MCM5: variants seen among roughly 807,000 people sequenced by gnomAD.
MCM5 encodes the protein minichromosome maintenance complex component 5, also known as DNA replication licensing factor MCM5.
In MCM5, 46 loss-of-function variants were observed where a neutral mutation model predicts 79.9. That is an observed-to-expected ratio of 0.58 (90% confidence interval 0.45 to 0.74). The LOEUF is 0.74. MCM5 is among the 30% of genes least tolerant of loss of function. The pLI is 0.00. For synonymous variants in MCM5, 404 were observed against 390.5 expected, an observed-to-expected ratio of 1.03 and a Z score of -0.41; for missense variants, 883 against 1,017.0, an observed-to-expected ratio of 0.87 and a Z score of 1.79.
At chr22:35,402,639 C>T (rs1458352995) in intron 2 of MCM5, among the ~76,000 whole-genome samples, 1 of 152,022 alleles carries the variant, frequency 6.6e-6, no homozygotes, top group East Asian at 1.9e-4. Flanking sequence ...CTGCAGCCTC[C>T]ACCTCTGGGG....
At chr22:35,408,625 A>G in intron 6 of MCM5, 62 bp downstream of exon 6, 2 of 1,554,158 alleles carry the variant, frequency 1.3e-6, no homozygotes, top group Non-Finnish European at 1.7e-6. Flanking sequence ...TGTGGCCCTA[A>G]CCCGAGTGTT....
chr22:35,429,343 T>C (rs1238381120), downstream of MCM5, among the ~76,000 whole-genome samples: 1 of 151,972 alleles, frequency 6.6e-6, no homozygotes, highest in Non-Finnish European at 1.5e-5. Context: ...AGATGAGAAA[T>C]TGAGGCTACA....
chr22:35,413,853 C>T, intron 8 of MCM5, 22 bp from the exon 9 acceptor site: 1 of 1,397,330 alleles, frequency 7.2e-7, no homozygotes, highest in Non-Finnish European at 1.0e-6. Context: ...CTCACCTTGT[C>T]CATCTACCCT....
intron 5 of MCM5, among the ~76,000 whole-genome samples, chr22:35,408,136 G>A (rs1373187207): frequency 6.6e-6 from 1 of 152,160 alleles, no homozygotes; most frequent in Non-Finnish European, 1.5e-5. Flanking sequence ...CAAGAAGACC[G>A]AGTGTGACCT....
the MCM5 span, among the ~76,000 whole-genome samples, chr22:35,431,751 C>A: frequency 1.3e-5 from 2 of 152,148 alleles, no homozygotes; most frequent in Non-Finnish European, 2.9e-5. Context: ...CTGGAACCCC[C>A]CAGCTTCAGG....
chr22:35,431,310 A>G, the MCM5 span, among the ~76,000 whole-genome samples: 2 of 152,198 alleles, frequency 1.3e-5, no homozygotes, highest in African/African-American at 4.8e-5. Flanking sequence ...AGGCACAGAA[A>G]TGCACGGAGC....
At chr22:35,414,991 C>T (rs906747524) in intron 9 of MCM5, among the ~76,000 whole-genome samples, 6 of 152,174 alleles carry the variant, frequency 3.9e-5, no homozygotes, top group African/African-American at 1.4e-4. Flanking sequence ...ATTTGCCACA[C>T]TGGCACTGTC....
the MCM5 span, among the ~76,000 whole-genome samples, chr22:35,441,992 T>A: frequency 6.6e-6 from 1 of 152,092 alleles, no homozygotes; most frequent in Non-Finnish European, 1.5e-5. Context: ...TCCCTCCCTC[T>A]GTCCTTCCAG....
chr22:35,443,980 C>T, the MCM5 span, among the ~76,000 whole-genome samples: 2 of 152,162 alleles, frequency 1.3e-5, no homozygotes, highest in Admixed American at 1.3e-4. Context: ...GTTTCCTTAT[C>T]TGTAAAATGG....
chr22:35,452,193 G>A, the MCM5 span, among the ~76,000 whole-genome samples: 1 of 152,244 alleles, frequency 6.6e-6, no homozygotes, highest in South Asian at 2.1e-4. Context: ...CCTCCTCCCT[G>A]GTCCTCCAAC....
chr22:35,437,434 G>A, the MCM5 span, among the ~76,000 whole-genome samples: 1 of 152,220 alleles, frequency 6.6e-6, no homozygotes, highest in African/African-American at 2.4e-5. Flanking sequence ...TGTAGACAGA[G>A]CCTACGTGGG....
intron 4 of MCM5, among the ~76,000 whole-genome samples, chr22:35,405,603 G>A (rs1236923742): frequency 2.0e-5 from 3 of 152,106 alleles, no homozygotes; most frequent in African/African-American, 7.2e-5. Flanking sequence ...CCGATCTCAA[G>A]TGATCCGTCC....
chr22:35,440,345 C>T, the MCM5 span, among the ~76,000 whole-genome samples: 3 of 152,202 alleles, frequency 2.0e-5, no homozygotes, highest in Non-Finnish European at 2.9e-5. Context: ...GGGCCAGCCA[C>T]GTTATTTCTC....
chr22:35,400,162 G>T lies in MCM5; in HGVS notation c.-55G>T. On this transcript the variant is annotated 5_prime_UTR_variant, in exon 1 of 17. Transcript: ENST00000216122. The stretch of plus-strand genomic sequence containing the variant: ...TTCCCGCGAAACTCGGCGGCTGAGC[G>T]TGGAGGTTCTTGTCTCCCCTGGTTT... The T allele has an allele frequency of 2.3e-6, 1 of 439,528 alleles. No homozygotes were observed. The highest frequency in any genetic ancestry group is 4.2e-6 in the Non-Finnish European group (1 of 240,090). The allele number at this position is 439,528 out of a possible 1,614,324, so 27.2% of individuals were successfully genotyped here.
the MCM5 span, among the ~76,000 whole-genome samples, chr22:35,450,088 A>G: frequency 1.3e-5 from 2 of 152,116 alleles, no homozygotes; most frequent in Non-Finnish European, 2.9e-5. Context: ...GGAGACAGGG[A>G]AGGGTGCTAT....
Position 35,421,343 on chromosome 22 carries a change from G to T in MCM5, c.1858G>T (p.Ala620Ser). The T allele has an allele frequency of 9.9e-6, 16 of 1,613,692 alleles. No homozygotes were observed. The highest frequency in any genetic ancestry group is 1.4e-5 in the Non-Finnish European group (16 of 1,180,012). Residue 620 changes from alanine to serine, a missense_variant, in exon 15 of 17, where the codon GCG becomes TCG. Physicochemically the swap from Ala to Ser is moderately conservative, Grantham distance 99 (BLOSUM62 1). Around this residue, in one of 3 missense-constraint regions of MCM5, gnomAD observed 426 missense variants for 482.3 expected, o/e 0.88. Coordinates refer to ENST00000216122, the MANE Select transcript of MCM5 (RefSeq NM_006739.4). ...VRQLEAIVRIAEALSKMKLQP... is the reference protein window; with the variant it reads ...VRQLEAIVRISEALSKMKLQP... ...GCAGCTGGAGGCCATTGTGCGCATC[G>T]CGGAAGCCCTCAGCAAGATGAAGCT...
At chr22:35,430,582 A>G in the MCM5 span, among the ~76,000 whole-genome samples, 3 of 150,186 alleles carry the variant, frequency 2.0e-5, no homozygotes, top group Admixed American at 2.0e-4. Flanking sequence ...AGCTCACTGC[A>G]ACCTCCGCCT....
chr22:35,445,773 A>G, the MCM5 span, among the ~76,000 whole-genome samples: 1 of 152,010 alleles, frequency 6.6e-6, no homozygotes, highest in Non-Finnish European at 1.5e-5. Context: ...GGCCTCCAAA[A>G]GTGCTGGGAT....
chr22:35,445,267 A>C, the MCM5 span, among the ~76,000 whole-genome samples: 4 of 148,706 alleles, frequency 2.7e-5, no homozygotes, highest in Non-Finnish European at 5.9e-5. Flanking sequence ...CAGAATCCTA[A>C]TGGGCTTTCT....
Sources: allele counts gnomAD v4.1 joint callset (sites outside exome capture counted in the v4.1 genomes callset), GRCh38; gene constraint gnomAD v4.1.1; regional missense constraint gnomAD v4.1.1; transcripts MANE v1.5; gene names NCBI Gene and HGNC (gene_info 2026-07-23, HGNC 2026-07-21).